CSGALNACT1: variants seen among roughly 807,000 people sequenced by gnomAD.
The protein encoded by CSGALNACT1 is beta4GalNAcT-1.
A neutral mutation model predicts 51.0 loss-of-function variants in CSGALNACT1; 52 were observed. That is an observed-to-expected ratio of 1.02 (90% CI 0.82 to 1.29). The LOEUF (loss-of-function observed/expected upper bound fraction) is 1.29, where lower values mean the gene tolerates loss of function less well. Among genes scored for constraint, CSGALNACT1 ranks in the 50% most tolerant of loss-of-function variants. The pLI is 0.00. For missense variants in CSGALNACT1, 935 were observed against 679.2 expected, an observed-to-expected ratio of 1.38 and a Z score of -4.19; for synonymous variants, 341 against 254.4, an observed-to-expected ratio of 1.34 and a Z score of -3.24.
At position 19,420,273 on chromosome 8, in the gene CSGALNACT1, A is replaced by C. The variant is rs2057700600; in HGVS notation, c.1132+67T>G. The C allele has an allele frequency of 3.5e-6, 5 of 1,444,266 alleles. No individual in the cohort carries two copies. The Middle Eastern group carries it at 5.7e-4, about 164-fold the overall frequency. 89.5% of individuals were successfully genotyped at this position (1,444,266 alleles called of 1,614,324 possible). On this transcript the variant is annotated intron_variant, in intron 7 of 9. Transcript: ENST00000454498. ...AGGACATCAGAGTGACTGACCCATC[A>C]AGAGGACGACACATGGGCCCGAGAG...
chr8:19,417,870 G>A (rs2057191200), intron 8 of CSGALNACT1, among the ~76,000 whole-genome samples: 1 of 152,132 alleles, frequency 6.6e-6, no homozygotes, highest in Non-Finnish European at 1.5e-5. Context: ...TTCCATCCAT[G>A]GGGGCCATGC....
At chr8:19,599,834 A>T (rs1389226168) in intron 2 of CSGALNACT1, among the ~76,000 whole-genome samples, 2 of 152,154 alleles carry the variant, frequency 1.3e-5, no homozygotes, top group East Asian at 3.9e-4. Context: ...AAAGAAACCA[A>T]CGTGCACATT....
At chr8:19,650,012 T>C (rs956053448) in intron 1 of CSGALNACT1, among the ~76,000 whole-genome samples, 1 of 152,060 alleles carries the variant, frequency 6.6e-6, no homozygotes, top group Non-Finnish European at 1.5e-5. Flanking sequence ...AGTATGTTTT[T>C]CTGAAATGCA....
chr8:19,442,478 C>G (rs1408751191), intron 5 of CSGALNACT1, among the ~76,000 whole-genome samples: 3 of 151,124 alleles, frequency 2.0e-5, no homozygotes, highest in Admixed American at 1.3e-4. Flanking sequence ...GGACAAAAAA[C>G]CAAACACTGC....
At chr8:19,538,213 C>T (rs948129417) in intron 3 of CSGALNACT1, among the ~76,000 whole-genome samples, 1 of 152,056 alleles carries the variant, frequency 6.6e-6, no homozygotes, top group African/African-American at 2.4e-5. Flanking sequence ...CCTGTAGTCC[C>T]CTAGCTACTT....
chr8:19,452,660 T>G (rs1319117563), intron 5 of CSGALNACT1, among the ~76,000 whole-genome samples: 1 of 152,118 alleles, frequency 6.6e-6, no homozygotes, highest in East Asian at 1.9e-4. Flanking sequence ...AGTGAGCAAG[T>G]GAGCTGGAGA....
intron 4 of CSGALNACT1, among the ~76,000 whole-genome samples, chr8:19,461,089 A>C (rs1045448175): frequency 5.3e-5 from 8 of 152,208 alleles, no homozygotes; most frequent in African/African-American, 1.7e-4. Flanking sequence ...TGCGTTGAGT[A>C]AAAGGGTATC....
intron 1 of CSGALNACT1, among the ~76,000 whole-genome samples, chr8:19,666,394 C>A (rs1211665951): frequency 6.6e-6 from 1 of 152,138 alleles, no homozygotes; most frequent in African/African-American, 2.4e-5. Flanking sequence ...TCACCCAATT[C>A]ATCTATTAAC....
intron 3 of CSGALNACT1, among the ~76,000 whole-genome samples, chr8:19,568,524 A>T (rs1171088716): frequency 1.3e-5 from 2 of 152,196 alleles, no homozygotes; most frequent in African/African-American, 4.8e-5. Context: ...TTAAATAAAC[A>T]TCAAATAATC....
intron 1 of CSGALNACT1, among the ~76,000 whole-genome samples, chr8:19,653,772 T>C (rs771546404): frequency 6.7e-6 from 1 of 150,052 alleles, no homozygotes; most frequent in African/African-American, 2.5e-5. Flanking sequence ...CACTCCAGCA[T>C]GGGTGAATGA....
At chr8:19,511,647 G>A (rs576573838) in intron 3 of CSGALNACT1, among the ~76,000 whole-genome samples, 1 of 152,126 alleles carries the variant, frequency 6.6e-6, no homozygotes, top group Non-Finnish European at 1.5e-5. Flanking sequence ...CTGCCTCCTG[G>A]TATTCATACC....
intron 1 of CSGALNACT1, among the ~76,000 whole-genome samples, chr8:19,665,311 T>G (rs1717234548): frequency 1.3e-5 from 2 of 152,218 alleles, no homozygotes; most frequent in African/African-American, 4.8e-5. Flanking sequence ...ACAAACTTCT[T>G]TGTAGAAGTA....
intron 3 of CSGALNACT1, among the ~76,000 whole-genome samples, chr8:19,519,352 C>G (rs1476343757): frequency 6.6e-6 from 1 of 152,158 alleles, no homozygotes; most frequent in Non-Finnish European, 1.5e-5. Context: ...GCCCACACAG[C>G]TAGTAGGCCC....
intron 3 of CSGALNACT1, among the ~76,000 whole-genome samples, chr8:19,575,082 A>T (rs1328229182): frequency 6.6e-6 from 1 of 152,056 alleles, no homozygotes. Context: ...ACCGTTTTAG[A>T]GCTGTGGGAC....
Position 19,570,496 on chromosome 8 carries a change from G to C in CSGALNACT1, c.-297+20664C>G, listed in dbSNP as rs2042787641. Among the ~76,000 whole-genome samples, 3 of 152,156 alleles carry C rather than the reference G, an allele frequency of 2.0e-5. 1 individual carries two copies. In the South Asian group the frequency reaches 6.2e-4, roughly 31 times the overall value. ...AACCTAATCCGGACACAAACAGAGA[G>C]CAAGAGGTAATGAGGACAGGGACAG... On this transcript the variant is annotated intron_variant, in intron 3 of 9. Transcript: ENST00000454498.
chr8:19,408,949 A>AAAACACACACACACACACACACACAC (rs1554501216), intron 8 of CSGALNACT1, among the ~76,000 whole-genome samples: 2 of 142,216 alleles, frequency 1.4e-5, no homozygotes, highest in African/African-American at 5.2e-5. Context: ...TAGATATGAA[A>AAAACACACACACACACACACACACAC]ACACACACAC....
At chr8:19,407,234 T>C (rs1010414444) in intron 9 of CSGALNACT1, among the ~76,000 whole-genome samples, 10 of 152,084 alleles carry the variant, frequency 6.6e-5, no homozygotes, top group African/African-American at 2.4e-4. Flanking sequence ...GGGGGTTCTG[T>C]AGTCCTTGTA....
rs561053482 is a variant in CSGALNACT1 at position 19,478,104 on chromosome 8, T to A, written c.635-19462A>T. 1.6e-3 allele frequency among the ~76,000 whole-genome samples: 237 copies of A among 150,274 alleles called. 3 individuals are homozygous for A. The South Asian group carries it at 0.027, about 17-fold the overall frequency. ...AACTGTGGTTACACAGTGGAATCAT[T>A]TGGGGAGCTTTAAAAATACTCATGT... On this transcript the variant is annotated intron_variant, in intron 4 of 9. Transcript: ENST00000454498.
At chr8:19,658,411 TAAGAA>T (rs1317143127) in intron 1 of CSGALNACT1, among the ~76,000 whole-genome samples, 1 of 152,168 alleles carries the variant, frequency 6.6e-6, no homozygotes, top group Non-Finnish European at 1.5e-5. Context: ...TAATAGTTAC[TAAGAA>T]AAGTCAAAGA....
Sources: gnomAD v4.1 joint callset for allele counts (sites outside exome capture counted in the v4.1 genomes callset) on GRCh38, gnomAD v4.1.1 for gene constraint, MANE v1.5 for transcripts, NCBI Gene and HGNC (gene_info 2026-07-23, HGNC 2026-07-21) for gene names.